The following SLC35F3 variants were observed in gnomAD, a reference collection of about 807,000 sequenced individuals.
SLC35F3 encodes putative thiamine transporter SLC35F3.
A neutral mutation model predicts 49.9 loss-of-function variants in SLC35F3; 25 were observed. That is an observed-to-expected ratio of 0.50 (90% CI 0.37 to 0.70). The LOEUF is 0.70. SLC35F3 is among the 30% of genes least tolerant of loss of function. The pLI is 0.00. For missense variants in SLC35F3, 525 were observed against 639.8 expected, an observed-to-expected ratio of 0.82 and a Z score of 1.94; for synonymous variants, 275 against 265.4, an observed-to-expected ratio of 1.04 and a Z score of -0.35.
chr1:234,268,993 G>T (rs45603836), intron 3 of SLC35F3, among the ~76,000 whole-genome samples: 1 of 151,978 alleles, frequency 6.6e-6, no homozygotes, highest in Non-Finnish European at 1.5e-5. Flanking sequence ...TATAAAAAAC[G>T]TAAAAGGAAT....
intron 4 of SLC35F3, among the ~76,000 whole-genome samples, chr1:234,312,750 T>A (rs1210932138): frequency 1.3e-5 from 2 of 152,182 alleles, no homozygotes; most frequent in Non-Finnish European, 2.9e-5. Context: ...TTTTCCCTTT[T>A]GTAAAATTGC....
In SLC35F3 at chr1:233,957,539, G is replaced by A. The variant is rs550625953; in HGVS notation, c.283+51781G>A. Among the ~76,000 whole-genome samples the A allele has an allele frequency of 7.7e-4, 118 of 152,344 alleles. No homozygotes were observed. The highest frequency in any genetic ancestry group is 2.4e-4 in the Non-Finnish European group (16 of 68,030). ...TGGCATAAATACAATAACTGGCTGT[G>A]TGTGGTGGCTCGTGCCTGTAATCCC... On this transcript the variant is annotated intron_variant, in intron 2 of 7. Transcript: ENST00000366618. The surrounding 1 kb of genome is among the most constrained non-coding windows in gnomAD (Gnocchi z 4.0).
At chr1:234,269,799 G>T (rs1014648599) in intron 3 of SLC35F3, among the ~76,000 whole-genome samples, 1 of 151,934 alleles carries the variant, frequency 6.6e-6, no homozygotes, top group African/African-American at 2.4e-5. Flanking sequence ...CATAAGAGCT[G>T]GTTTTTTAAA....
At position 233,942,824 on chromosome 1, in the gene SLC35F3, A is replaced by G. The variant is rs183394014; in HGVS notation, c.283+37066A>G. On this transcript the variant is annotated intron_variant, in intron 2 of 7. Coordinates refer to ENST00000366618, the MANE Select transcript of SLC35F3 (RefSeq NM_173508.4). ...CTCATCTTGCATGACTGGAGCTTTAATGACTGAAACCCATTGAATAACAAC... is the reference window on the plus strand; with the variant it reads ...CTCATCTTGCATGACTGGAGCTTTAGTGACTGAAACCCATTGAATAACAAC... Among the ~76,000 whole-genome samples the G allele has an allele frequency of 2.1e-3, 322 of 152,302 alleles. 3 individuals are homozygous for G. The highest frequency in any genetic ancestry group is 7.0e-3 in the African/African-American group (292 of 41,562).
At chr1:234,061,164 A>T (rs1664533571) in intron 2 of SLC35F3, among the ~76,000 whole-genome samples, 1 of 151,914 alleles carries the variant, frequency 6.6e-6, no homozygotes, top group Non-Finnish European at 1.5e-5. Context: ...CTAGCAACAA[A>T]TTCTCAGTTT....
chr1:234,233,958 A>T (rs991242354), intron 3 of SLC35F3, among the ~76,000 whole-genome samples: 1 of 152,248 alleles, frequency 6.6e-6, no homozygotes, highest in Non-Finnish European at 1.5e-5. Context: ...CAATCAAGCC[A>T]TATACACCAT....
chr1:233,943,665 A>G (rs974311784), intron 2 of SLC35F3, among the ~76,000 whole-genome samples: 1 of 152,232 alleles, frequency 6.6e-6, no homozygotes, highest in African/African-American at 2.4e-5. Flanking sequence ...GAATAAATCC[A>G]TATGGGCTTG....
intron 2 of SLC35F3, among the ~76,000 whole-genome samples, chr1:233,948,036 T>TAA (rs919440557): frequency 1.4e-5 from 2 of 142,430 alleles, no homozygotes; most frequent in African/African-American, 5.1e-5. Context: ...AAAAATTATT[T>TAA]AAAAAAAAAA....
At chr1:234,080,272 AGGGC>A (rs1664855724) in intron 2 of SLC35F3, among the ~76,000 whole-genome samples, 3 of 152,154 alleles carry the variant, frequency 2.0e-5, no homozygotes, top group Admixed American at 2.0e-4. Flanking sequence ...TGTGCCTGGG[AGGGC>A]ATGGAAGCTC....
At chr1:234,131,881 G>A (rs1452586509) in intron 2 of SLC35F3, among the ~76,000 whole-genome samples, 1 of 152,110 alleles carries the variant, frequency 6.6e-6, no homozygotes, top group Non-Finnish European at 1.5e-5. Context: ...AACTGTTGAT[G>A]CTCAGCAAAT....
In SLC35F3 at chr1:234,231,320, A is replaced by T; in HGVS notation, c.284-97A>T. ...GCACCCGCTATCTCCCCGGGCCCCC[A>T]GGTAGCTGGTGGTGACAATGGCTGC... On this transcript the variant is annotated intron_variant, in intron 2 of 7. Coordinates refer to ENST00000366618, the MANE Select transcript of SLC35F3 (RefSeq NM_173508.4). This position sits in a 1 kb window ranked among gnomAD's most constrained non-coding sequence, Gnocchi z 5.4. 1 of 1,050,698 alleles carries T rather than the reference A, an allele frequency of 9.5e-7. No individual in the cohort carries two copies. Among genetic ancestry groups the T allele is most frequent in the Non-Finnish European group, 1.3e-6 (1 of 750,988 alleles). The allele number at this position is 1,050,698 out of a possible 1,614,324, so 65.1% of individuals were successfully genotyped here.
Position 234,186,259 on chromosome 1 carries a change from C to T in SLC35F3, c.284-45158C>T, listed in dbSNP as rs118137502. On this transcript the variant is annotated intron_variant, in intron 2 of 7. Coordinates refer to ENST00000366618, the MANE Select transcript of SLC35F3 (RefSeq NM_173508.4). ...CATTGCTCAAGCATGCAGTGGGCTC[C>T]GCTCTGCTGAGTCAGACTCATGATG... is the stretch of plus-strand genomic sequence containing the variant. 5.6e-3 allele frequency among the ~76,000 whole-genome samples: 855 copies of T among 151,918 alleles called. 6 individuals carry two copies. The highest frequency in any genetic ancestry group is 0.028 in the South Asian group (134 of 4,798).
intron 3 of SLC35F3, among the ~76,000 whole-genome samples, chr1:234,283,001 C>T (rs773590420): frequency 1.3e-5 from 2 of 152,218 alleles, no homozygotes; most frequent in Admixed American, 1.3e-4. Flanking sequence ...CGCCAAACCA[C>T]GAGGTGCTGT....
At chr1:234,117,810 C>T (rs71529901) in intron 2 of SLC35F3, among the ~76,000 whole-genome samples, 28,320 of 146,384 alleles carry the variant, frequency 0.19, 3,347 homozygotes, top group Non-Finnish European at 0.27. Flanking sequence ...GGTGTGAACC[C>T]GGCAGGCGGA....
chr1:234,089,799 C>A (rs1165507377), intron 2 of SLC35F3, among the ~76,000 whole-genome samples: 1 of 152,008 alleles, frequency 6.6e-6, no homozygotes, highest in African/African-American at 2.4e-5. Flanking sequence ...ACCCTTGTCA[C>A]CCATGGGGCA....
chr1:233,961,455 CTTTTTTT>C (rs35494872), intron 2 of SLC35F3, among the ~76,000 whole-genome samples: 7 of 130,458 alleles, frequency 5.4e-5, no homozygotes, highest in African/African-American at 2.0e-4. Context: ...TTTTTCCTCT[CTTTTTTT>C]TTTTTTTTTC....
At chr1:234,293,220 A>G (rs539925932) in intron 3 of SLC35F3, among the ~76,000 whole-genome samples, 1 of 152,352 alleles carries the variant, frequency 6.6e-6, no homozygotes, top group African/African-American at 2.4e-5. Flanking sequence ...GTGCACAGAA[A>G]GGAGCCATAA....
intron 2 of SLC35F3, among the ~76,000 whole-genome samples, chr1:234,219,713 GA>G (rs1667174071): frequency 6.6e-6 from 1 of 152,132 alleles, no homozygotes; most frequent in Non-Finnish European, 1.5e-5. Context: ...AAAATGACCT[GA>G]TCTGACAGGA....
chr1:234,208,064 G>A (rs1163442220), intron 2 of SLC35F3, among the ~76,000 whole-genome samples: 1 of 152,140 alleles, frequency 6.6e-6, no homozygotes, highest in African/African-American at 2.4e-5. Flanking sequence ...TGCCAAAGGT[G>A]TCCAATTCTT....
Sources: allele counts gnomAD v4.1 joint callset (sites outside exome capture counted in the v4.1 genomes callset), GRCh38; gene constraint gnomAD v4.1.1; non-coding constraint Gnocchi (gnomAD v3.1); transcripts MANE v1.5; gene names NCBI Gene and HGNC (gene_info 2026-07-23, HGNC 2026-07-21).